Variants in PRDM15 observed in about 807,000 individuals in gnomAD.
PRDM15 encodes the protein PR domain zinc finger protein 15.
PRDM15 carries 64 observed loss-of-function variants against 128.6 expected under a neutral mutation model. The ratio of observed to expected loss-of-function variants is 0.50; its 90% CI spans 0.41 to 0.61. The LOEUF is 0.61. Among genes scored for constraint, PRDM15 ranks in the 20% least tolerant of loss-of-function variants. PRDM15 has a pLI of 0.00. For missense variants in PRDM15, 1,242 were observed against 1,569.1 expected (o/e 0.79, Z 3.52); for synonymous variants, 615 against 621.8 (o/e 0.99, Z 0.16).
Position 41,801,672 on chromosome 21 carries a change from G to A in PRDM15, c.2994C>T (p.Val998=), listed in dbSNP as rs61738718. ...DPNVTTPSSS[V]GLTNITVTPI... ...GGGTCACGGTGATGTTGGTTAAGCC[G>A]ACTGAGCTCGATGGTGTGGTCACAT... The change falls in exon 24 of 24, where the codon GTC becomes GTT. Residue 998 remains valine, a synonymous_variant. Transcript: ENST00000398548. 5.9e-3 allele frequency: 9,529 copies of A among 1,614,096 alleles called. 415 individuals are homozygous for A. In the African/African-American group the frequency reaches 0.1, roughly 17 times the overall value.
At position 41,818,094 on chromosome 21, in the gene PRDM15, G is replaced by A. The variant is rs553637977; in HGVS notation, c.2260+1488C>T. Among the ~76,000 whole-genome samples, 18 of 152,230 alleles carry A rather than the reference G, an allele frequency of 1.2e-4. No individual in the cohort carries two copies. The South Asian group carries it at 2.9e-3, about 25-fold the overall frequency. The stretch of plus-strand genomic sequence containing the variant: ...ACCCCTGCCCCTCCTGTCTCTACGC[G>A]CTACTCAGGACCCCTCCAGCCAGGC... On this transcript the variant is annotated intron_variant, in intron 18 of 23. Coordinates refer to ENST00000398548, the MANE Select transcript of PRDM15 (RefSeq NM_001040424.3).
chr21:41,808,078 T>C (rs563115111), intron 21 of PRDM15, among the ~76,000 whole-genome samples: 14 of 152,322 alleles, frequency 9.2e-5, no homozygotes, highest in African/African-American at 2.9e-4. Context: ...AACTCCGGTG[T>C]ACAAAAGTGA....
rs140077118 is a variant in PRDM15 at position 41,839,819 on chromosome 21, G to A, written c.675C>T (p.Ser225=). Residue 225 remains serine (S), a synonymous_variant, in exon 7 of 24, where the codon AGC becomes AGT. Coordinates refer to ENST00000398548, the MANE Select transcript of PRDM15 (RefSeq NM_001040424.3). ...HLLGHLEQAK[S]LPPGSQSEAA... ...CCTCGCTTTGGCTGCCTGGAGGAAGGCTTTTGGCTTGTTCTAAGTGGCCCA... is the reference window on the plus strand; with the variant it reads ...CCTCGCTTTGGCTGCCTGGAGGAAGACTTTTGGCTTGTTCTAAGTGGCCCA... The A allele has an allele frequency of 7.7e-5, 124 of 1,614,226 alleles. No individual in the cohort carries two copies. The African/African-American group carries it at 1.5e-3, about 19-fold the overall frequency.
At chr21:41,834,300 C>A (rs574966317) in intron 11 of PRDM15, among the ~76,000 whole-genome samples, 2 of 152,292 alleles carry the variant, frequency 1.3e-5, no homozygotes, top group South Asian at 4.1e-4. Context: ...CAAGGGCCCC[C>A]CGCGCCCAGC....
At chr21:41,840,313 G>A (rs2063034593) in intron 6 of PRDM15, among the ~76,000 whole-genome samples, 1 of 152,076 alleles carries the variant, frequency 6.6e-6, no homozygotes, top group African/African-American at 2.4e-5. Flanking sequence ...GGGTGTGGTG[G>A]TGTGTGCCTG....
chr21:41,877,871 T>A (rs113762648), intron 1 of PRDM15, among the ~76,000 whole-genome samples: 4 of 144,210 alleles, frequency 2.8e-5, no homozygotes, highest in African/African-American at 1.1e-4. Context: ...AAAAACAAAC[T>A]ATAAAAAAAA....
chr21:41,855,723 T>C (rs1455271191), intron 4 of PRDM15, among the ~76,000 whole-genome samples: 2 of 152,118 alleles, frequency 1.3e-5, no homozygotes, highest in African/African-American at 2.4e-5. Context: ...ACCACCAAAA[T>C]GGGCACAAAA....
chr21:41,864,976 C>T lies in PRDM15; in HGVS notation c.-9-4604G>A, dbSNP rs567598088. ...CACATGCTCGCCCCCCAAGGCTGGC[C>T]CTCTCCCCAGCCCTCTCTGCAATGC... On this transcript the variant is annotated intron_variant, in intron 1 of 23. Coordinates refer to ENST00000398548, the MANE Select transcript of PRDM15 (RefSeq NM_001040424.3). 1.4e-4 allele frequency among the ~76,000 whole-genome samples: 21 copies of T among 150,432 alleles called. No homozygotes were observed. The South Asian group carries it at 4.4e-3, about 32-fold the overall frequency.
chr21:41,853,201 C>A (rs1377490435), intron 5 of PRDM15, among the ~76,000 whole-genome samples: 7 of 152,240 alleles, frequency 4.6e-5, no homozygotes, highest in Non-Finnish European at 4.4e-5. Flanking sequence ...CACTCCCACA[C>A]AGCCCATTGT....
In PRDM15 at chr21:41,821,497, G is replaced by A. The variant is rs2062263191; in HGVS notation, c.1897-267C>T. On this transcript the variant is annotated intron_variant, in intron 15 of 23. Coordinates refer to ENST00000398548, the MANE Select transcript of PRDM15 (RefSeq NM_001040424.3). This position sits in a 1 kb window ranked among gnomAD's most constrained non-coding sequence, Gnocchi z 5.4. ...CCCTTCCATGCACAGGGGAGGCCTC[G>A]TGAGGGCTTCAGGCCTCAGCAGGGA... is the stretch of plus-strand genomic sequence containing the variant. 6.6e-6 allele frequency among the ~76,000 whole-genome samples: 1 copy of A among 152,134 alleles called. No individual in the cohort carries two copies. The highest frequency in any genetic ancestry group is 6.5e-5 in the Admixed American group (1 of 15,282).
At chr21:41,847,650 C>T (rs1408420738) in intron 5 of PRDM15, among the ~76,000 whole-genome samples, 1 of 152,214 alleles carries the variant, frequency 6.6e-6, no homozygotes, top group Non-Finnish European at 1.5e-5. Flanking sequence ...TGCTCCCGCC[C>T]AGCGCTATCC....
At chr21:41,876,602 A>G (rs371989676) in intron 1 of PRDM15, among the ~76,000 whole-genome samples, 2 of 151,996 alleles carry the variant, frequency 1.3e-5, no homozygotes, top group East Asian at 3.9e-4. Context: ...CATGACTGCA[A>G]GAGGAGGGAC....
intron 11 of PRDM15, among the ~76,000 whole-genome samples, chr21:41,829,019 C>T (rs1433769701): frequency 1.3e-5 from 2 of 148,250 alleles, no homozygotes; most frequent in Non-Finnish European, 3.0e-5. Flanking sequence ...ACACCACATA[C>T]ACACTACACA....
intron 8 of PRDM15, among the ~76,000 whole-genome samples, chr21:41,837,336 C>T (rs1045112304): frequency 6.6e-6 from 1 of 152,176 alleles, no homozygotes; most frequent in Non-Finnish European, 1.5e-5. Flanking sequence ...TGCATGGAAA[C>T]ACAAAATATG....
Position 41,854,936 on chromosome 21 carries a change from T to C in PRDM15, c.286-118A>G. The stretch of plus-strand genomic sequence containing the variant: ...CTAGACAGTGCCACGTCAGAGGCCA[T>C]AAGGGCTCCTGTACGGGATGTTGAG... On this transcript the variant is annotated intron_variant, in intron 4 of 23. Transcript: ENST00000398548. The surrounding 1 kb of genome is among the most constrained non-coding windows in gnomAD (Gnocchi z 4.6). 1 of 1,127,260 alleles carries C rather than the reference T, an allele frequency of 8.9e-7. No individual in the cohort carries two copies. The highest frequency in any genetic ancestry group is 1.2e-6 in the Non-Finnish European group (1 of 807,332). The allele number at this position is 1,127,260 out of a possible 1,614,324, so 69.8% of individuals were successfully genotyped here.
chr21:41,844,419 A>C (rs1000786021), intron 6 of PRDM15, among the ~76,000 whole-genome samples: 7 of 6,364 alleles, frequency 1.1e-3, no homozygotes, highest in African/African-American at 4.7e-3. Context: ...ACAGGGACAC[A>C]CACACACACA....
chr21:41,826,888 C>T (rs1007077510), intron 12 of PRDM15, among the ~76,000 whole-genome samples: 9 of 152,188 alleles, frequency 5.9e-5, no homozygotes, highest in Non-Finnish European at 1.0e-4. Context: ...GAAGACGACC[C>T]GAGTTACATT....
At chr21:41,829,536 C>T (rs1249902069) in intron 11 of PRDM15, among the ~76,000 whole-genome samples, 1 of 150,138 alleles carries the variant, frequency 6.7e-6, no homozygotes, top group African/African-American at 2.5e-5. Context: ...ACACACCACA[C>T]AGATACACTC....
chr21:41,874,550 A>T (rs1399891350), intron 1 of PRDM15, among the ~76,000 whole-genome samples: 2 of 121,324 alleles, frequency 1.6e-5, no homozygotes, highest in Non-Finnish European at 3.5e-5. Flanking sequence ...TGAAACTTAC[A>T]AAAGGCCAGA....
Sources: gnomAD v4.1 joint callset for allele counts (sites outside exome capture counted in the v4.1 genomes callset) on GRCh38, gnomAD v4.1.1 for gene constraint, Gnocchi (gnomAD v3.1) non-coding constraint, MANE v1.5 for transcripts, NCBI Gene and HGNC (gene_info 2026-07-23, HGNC 2026-07-21) for gene names.